GLRB: variants seen among roughly 807,000 people sequenced by gnomAD.
GLRB encodes the protein glycine receptor subunit beta.
In GLRB, 33 loss-of-function variants were observed where a neutral mutation model predicts 54.2. The ratio of observed to expected loss-of-function variants is 0.61; its 90% CI spans 0.46 to 0.81. The LOEUF is 0.81. Among genes scored for constraint, GLRB ranks in the 40% least tolerant of loss-of-function variants. The pLI, the probability that GLRB is intolerant of heterozygous loss-of-function variation, is 0.00. For missense variants in GLRB, 572 were observed against 584.6 expected, an observed-to-expected ratio of 0.98 and a Z score of 0.22; for synonymous variants, 209 against 208.2, an observed-to-expected ratio of 1.00 and a Z score of -0.03.
intron 2 of GLRB, among the ~76,000 whole-genome samples, chr4:157,095,101 T>C (rs973374222): frequency 1.3e-5 from 2 of 152,124 alleles, no homozygotes; most frequent in African/African-American, 2.4e-5. Flanking sequence ...TGGAGATTTA[T>C]AGAGGAGTAG....
intron 2 of GLRB, among the ~76,000 whole-genome samples, chr4:157,119,461 G>T (rs1192184443): frequency 2.0e-5 from 3 of 151,444 alleles, no homozygotes; most frequent in Admixed American, 6.6e-5. Context: ...CTCATTGTGT[G>T]CACTCCCTTT....
chr4:157,112,060 C>T (rs1735438581), intron 2 of GLRB, among the ~76,000 whole-genome samples: 1 of 151,460 alleles, frequency 6.6e-6, no homozygotes, highest in Admixed American at 6.6e-5. Context: ...CAATTCCTCA[C>T]ATTTCAATTC....
rs576177891 is a variant in GLRB at position 157,164,031 on chromosome 4, C to T, written c.1198-6401C>T. On this transcript the variant is annotated intron_variant, in intron 9 of 9. Coordinates refer to ENST00000264428, the MANE Select transcript of GLRB (RefSeq NM_000824.5). Reference sequence around the variant, plus strand: ...ATTAAATAGATTTATCAATGGGCTACTCTTAACACTTTCATTGTTGTTGCT... The same window carrying T: ...ATTAAATAGATTTATCAATGGGCTATTCTTAACACTTTCATTGTTGTTGCT... Among the ~76,000 whole-genome samples the T allele has an allele frequency of 9.2e-5, 14 of 152,280 alleles. No individual in the cohort carries two copies. The South Asian group carries it at 1.9e-3, about 20-fold the overall frequency.
chr4:157,135,075 A>G (rs1736352001), intron 4 of GLRB, among the ~76,000 whole-genome samples: 2 of 152,132 alleles, frequency 1.3e-5, no homozygotes, highest in Admixed American at 1.3e-4. Flanking sequence ...TGATAGTAAT[A>G]TATTTCTAAC....
intron 4 of GLRB, among the ~76,000 whole-genome samples, chr4:157,133,165 A>G (rs557986786): frequency 6.6e-6 from 1 of 152,074 alleles, no homozygotes; most frequent in East Asian, 1.9e-4. Flanking sequence ...GATAATAGAC[A>G]TAATGATAAT....
chr4:157,126,144 G>A (rs1021500587), intron 4 of GLRB, among the ~76,000 whole-genome samples: 4 of 151,826 alleles, frequency 2.6e-5, no homozygotes, highest in African/African-American at 9.7e-5. Context: ...ATCAAACAAG[G>A]AAGCAAGCAA....
intron 2 of GLRB, among the ~76,000 whole-genome samples, chr4:157,098,989 A>C (rs1734918275): frequency 1.3e-5 from 2 of 152,140 alleles, no homozygotes; most frequent in South Asian, 4.1e-4. Flanking sequence ...AGGGACATGT[A>C]GGGAAGGGAG....
chr4:157,160,118 T>C (rs989210025), intron 9 of GLRB, among the ~76,000 whole-genome samples: 37 of 152,204 alleles, frequency 2.4e-4, no homozygotes, highest in Admixed American at 3.9e-4. Context: ...AGTTTATTTG[T>C]GTAGAGGTGT....
At chr4:157,121,853 T>C (rs1296374700) in intron 3 of GLRB, among the ~76,000 whole-genome samples, 2 of 151,720 alleles carry the variant, frequency 1.3e-5, no homozygotes, top group Admixed American at 6.6e-5. Context: ...CTTTGCATTT[T>C]CATGAATTAA....
chr4:157,124,706 A>C (rs1405475460), intron 4 of GLRB, among the ~76,000 whole-genome samples: 2 of 151,940 alleles, frequency 1.3e-5, no homozygotes, highest in Non-Finnish European at 1.5e-5. Flanking sequence ...GAAAACTTTG[A>C]AAACCTTTAT....
At chr4:157,156,593 A>G (rs977590840) in intron 9 of GLRB, among the ~76,000 whole-genome samples, 2 of 152,130 alleles carry the variant, frequency 1.3e-5, no homozygotes, top group African/African-American at 4.8e-5. Flanking sequence ...GTTATCTGCC[A>G]GTACACTGAT....
intron 4 of GLRB, among the ~76,000 whole-genome samples, chr4:157,130,710 G>A (rs1355275524): frequency 6.6e-6 from 1 of 151,574 alleles, no homozygotes; most frequent in East Asian, 1.9e-4. Flanking sequence ...TATGAACATG[G>A]GTGTACAAGT....
intron 2 of GLRB, among the ~76,000 whole-genome samples, chr4:157,105,994 A>G (rs1735210242): frequency 6.6e-6 from 1 of 152,134 alleles, no homozygotes; most frequent in African/African-American, 2.4e-5. Context: ...ATTAGACTAT[A>G]TATAACTTTA....
At chr4:157,129,134 A>G (rs1044842172) in intron 4 of GLRB, among the ~76,000 whole-genome samples, 1 of 151,918 alleles carries the variant, frequency 6.6e-6, no homozygotes, top group East Asian at 1.9e-4. Flanking sequence ...AATTGGTTCT[A>G]AAAGTTTTTG....
At chr4:157,100,118 T>C (rs560579495) in intron 2 of GLRB, among the ~76,000 whole-genome samples, 21 of 152,322 alleles carry the variant, frequency 1.4e-4, no homozygotes, top group African/African-American at 5.0e-4. Context: ...TTTGATGAAT[T>C]GAAGAATTTA....
At chr4:157,149,523 T>C (rs1299934705) in intron 8 of GLRB, among the ~76,000 whole-genome samples, 3 of 152,140 alleles carry the variant, frequency 2.0e-5, no homozygotes, top group Admixed American at 6.5e-5. Context: ...CTTTCAATTA[T>C]AAATGCAAAA....
chr4:157,103,115 A>C (rs1404254183), intron 2 of GLRB, among the ~76,000 whole-genome samples: 3 of 150,398 alleles, frequency 2.0e-5, no homozygotes, highest in African/African-American at 7.4e-5. Flanking sequence ...ACGCCACTGC[A>C]CTCCAGTCTG....
intron 7 of GLRB, among the ~76,000 whole-genome samples, chr4:157,141,353 T>C (rs1411753584): frequency 6.6e-6 from 1 of 151,826 alleles, no homozygotes; most frequent in Non-Finnish European, 1.5e-5. Flanking sequence ...GAAATCTAGT[T>C]AGAAAAATAA....
intron 9 of GLRB, among the ~76,000 whole-genome samples, chr4:157,169,439 A>G (rs1334247857): frequency 1.3e-5 from 2 of 152,150 alleles, no homozygotes; most frequent in Admixed American, 6.5e-5. Flanking sequence ...AGCATAAAAT[A>G]TAATTGTCCT....
Sources: gnomAD v4.1 joint callset for allele counts (sites outside exome capture counted in the v4.1 genomes callset) on GRCh38, gnomAD v4.1.1 for gene constraint, MANE v1.5 for transcripts, NCBI Gene and HGNC (gene_info 2026-07-23, HGNC 2026-07-21) for gene names.